The following ARL6IP5 variants were observed in gnomAD, a reference collection of about 807,000 sequenced individuals.
ARL6IP5 encodes the protein ARF like GTPase 6 interacting protein 5.
ARL6IP5 carries 6 observed loss-of-function variants against 13.0 expected under a neutral mutation model. The observed-to-expected ratio is 0.46, with a 90% CI of 0.25 to 0.91. The LOEUF (loss-of-function observed/expected upper bound fraction) is 0.91. ARL6IP5 is among the 40% of genes least tolerant of loss of function. The pLI, the probability that ARL6IP5 is intolerant of heterozygous loss-of-function variation, is 0.17. For missense variants in ARL6IP5, 208 were observed against 248.8 expected (o/e 0.84, Z 1.10); for synonymous variants, 91 against 91.9 (o/e 0.99, Z 0.06).
At chr3:69,089,638 A>G (rs1248936465) in intron 1 of ARL6IP5, among the ~76,000 whole-genome samples, 5 of 18,962 alleles carry the variant, frequency 2.6e-4, no homozygotes, top group Middle Eastern at 0.029. Flanking sequence ...AACCCTGTCT[A>G]AAAAAAAAAA....
rs1173678033 is a variant in ARL6IP5, at chr3:69,105,907, A to G, written c.*1271A>G. 3.3e-5 allele frequency: 5 copies of G among 152,196 alleles called. No individual in the cohort carries two copies. Among genetic ancestry groups the G allele is most frequent in the Non-Finnish European group, 7.3e-5 (5 of 68,034 alleles). The allele number at this position is 152,196 out of a possible 1,614,324, so 9.4% of individuals were successfully genotyped here. A position where few individuals can be genotyped will look rare whatever the true frequency, so the allele number is the denominator to read the frequency against. The stretch of plus-strand genomic sequence containing the variant: ...AGAAACTCTCTGTATGTCCTAGAAT[A>G]AGAAGCAATGATGTGCTGCTTCTGA... On this transcript the variant is annotated 3_prime_UTR_variant, in exon 3 of 3. Coordinates refer to ENST00000273258, the MANE Select transcript of ARL6IP5 (RefSeq NM_006407.4).
chr3:69,094,395 C>G (rs903908422), intron 1 of ARL6IP5, among the ~76,000 whole-genome samples: 1 of 152,134 alleles, frequency 6.6e-6, no homozygotes, highest in African/African-American at 2.4e-5. Flanking sequence ...CCAGACCCTG[C>G]GAAGCCTTGT....
chr3:69,100,988 C>A (rs1320602742), intron 1 of ARL6IP5, among the ~76,000 whole-genome samples: 1 of 151,876 alleles, frequency 6.6e-6, no homozygotes, highest in African/African-American at 2.4e-5. Context: ...AACAAGAAAT[C>A]CCAAGTTTTC....
At chr3:69,089,576 G>A (rs753667137) in intron 1 of ARL6IP5, among the ~76,000 whole-genome samples, 12 of 151,632 alleles carry the variant, frequency 7.9e-5, no homozygotes, top group Non-Finnish European at 1.8e-4. Flanking sequence ...AGGCAGAGAT[G>A]GGAGGATTGC....
At chr3:69,085,520 C>T (rs1033507293) in intron 1 of ARL6IP5, among the ~76,000 whole-genome samples, 5 of 152,232 alleles carry the variant, frequency 3.3e-5, no homozygotes, top group African/African-American at 4.8e-5. Flanking sequence ...CTGCCCCCGC[C>T]CGCGTGCCAG....
intron 1 of ARL6IP5, among the ~76,000 whole-genome samples, chr3:69,099,109 C>A (rs2092296170): frequency 8.6e-6 from 1 of 115,998 alleles, no homozygotes; most frequent in Non-Finnish European, 1.7e-5. Flanking sequence ...CCTGTAATAG[C>A]ACTTTGGGAG....
At chr3:69,090,574 A>G (rs2092262235) in intron 1 of ARL6IP5, among the ~76,000 whole-genome samples, 1 of 152,194 alleles carries the variant, frequency 6.6e-6, no homozygotes, top group African/African-American at 2.4e-5. Context: ...CAAATCTCTC[A>G]GGTGTTGGGA....
chr3:69,100,815 AAT>A (rs2092302935), intron 1 of ARL6IP5, among the ~76,000 whole-genome samples: 1 of 151,928 alleles, frequency 6.6e-6, no homozygotes, highest in Admixed American at 6.6e-5. Context: ...AACAGTGATT[AAT>A]AGCACCTCAC....
chr3:69,099,604 T>G (rs1343254131), intron 1 of ARL6IP5, among the ~76,000 whole-genome samples: 1 of 152,200 alleles, frequency 6.6e-6, no homozygotes, highest in Non-Finnish European at 1.5e-5. Context: ...GAAAAAGAAT[T>G]GTATTTATCC....
intron 2 of ARL6IP5, among the ~76,000 whole-genome samples, chr3:69,104,183 T>C (rs17005357): frequency 0.03 from 4,612 of 152,264 alleles, 89 homozygotes; most frequent in East Asian, 0.043. Flanking sequence ...TGCAAGGTGA[T>C]GATATCAGTG....
chr3:69,102,607 C>T (rs1297695827), intron 2 of ARL6IP5, among the ~76,000 whole-genome samples: 3 of 152,182 alleles, frequency 2.0e-5, no homozygotes, highest in Non-Finnish European at 2.9e-5. Context: ...AGAACAAAGA[C>T]AAATCCCAGG....
Position 69,101,574 on chromosome 3 carries a change from G to A in ARL6IP5, c.177-265G>A, listed in dbSNP as rs565107792. Reference sequence around the variant, plus strand: ...GGGCTCAAGTGATCCTCCCACCTTGGCCTCTGAAAGTGCTGGGATTATAGG... The same window carrying A: ...GGGCTCAAGTGATCCTCCCACCTTGACCTCTGAAAGTGCTGGGATTATAGG... On this transcript the variant is annotated intron_variant, in intron 1 of 2. Coordinates refer to ENST00000273258, the MANE Select transcript of ARL6IP5 (RefSeq NM_006407.4). Among the ~76,000 whole-genome samples the A allele has an allele frequency of 4.6e-5, 7 of 152,016 alleles. No homozygotes were observed. In the East Asian group the frequency reaches 1.4e-3, roughly 29 times the overall value.
At chr3:69,088,419 C>G (rs987616593) in intron 1 of ARL6IP5, among the ~76,000 whole-genome samples, 1 of 152,140 alleles carries the variant, frequency 6.6e-6, no homozygotes, top group Non-Finnish European at 1.5e-5. Flanking sequence ...AGGAGAGCCT[C>G]AAGGGCATTG....
chr3:69,097,560 A>G (rs1343291973), intron 1 of ARL6IP5, among the ~76,000 whole-genome samples: 2 of 152,044 alleles, frequency 1.3e-5, no homozygotes, highest in East Asian at 3.9e-4. Flanking sequence ...ACTCTCTACA[A>G]CCTGCTGAAG....
chr3:69,097,067 A>G (rs879493322), intron 1 of ARL6IP5, among the ~76,000 whole-genome samples: 3 of 152,194 alleles, frequency 2.0e-5, no homozygotes, highest in Admixed American at 6.5e-5. Flanking sequence ...GGCCATTGAA[A>G]AAAATATGAA....
rs760167852 is a variant in ARL6IP5, at chr3:69,085,203, C to A, written c.156C>A (p.Ala52=). The change falls in exon 1 of 3, where the codon GCC becomes GCA. Residue 52 remains alanine, a synonymous_variant. Coordinates refer to ENST00000273258, the MANE Select transcript of ARL6IP5 (RefSeq NM_006407.4). ...YYQTNYLVVA[A]MMISIVGFLS... is the part of the protein sequence containing the mutation. ...AGACCAACTACCTGGTGGTGGCTGC[C>A]ATGATGATTTCCATTGTGGGGTAAG... 1 of 1,613,846 alleles carries A rather than the reference C, an allele frequency of 6.2e-7. No homozygotes were observed. Among genetic ancestry groups the A allele is most frequent in the Non-Finnish European group, 8.5e-7 (1 of 1,179,804 alleles).
At chr3:69,102,406 C>G (rs2092308548) in intron 2 of ARL6IP5, among the ~76,000 whole-genome samples, 1 of 152,182 alleles carries the variant, frequency 6.6e-6, no homozygotes, top group Admixed American at 6.5e-5. Context: ...GCTGGGACCA[C>G]AGGTGCACAC....
chr3:69,090,469 A>G (rs1382098482), intron 1 of ARL6IP5, among the ~76,000 whole-genome samples: 2 of 152,268 alleles, frequency 1.3e-5, no homozygotes, highest in East Asian at 3.8e-4. Context: ...ATTTGTATAC[A>G]AGTATAGCAA....
intron 1 of ARL6IP5, 90 bp downstream of exon 1, chr3:69,085,313 C>T (rs1207448353): frequency 2.8e-6 from 4 of 1,453,718 alleles, no homozygotes; most frequent in Non-Finnish European, 2.8e-6. Context: ...GAGACGCTCT[C>T]TGACCACGCT....
Sources: gnomAD v4.1 joint callset for allele counts (sites outside exome capture counted in the v4.1 genomes callset) on GRCh38, gnomAD v4.1.1 for gene constraint, MANE v1.5 for transcripts, NCBI Gene and HGNC (gene_info 2026-07-23, HGNC 2026-07-21) for gene names.